Variants in BCR observed in about 807,000 individuals in gnomAD.
The protein encoded by BCR is BCR activator of RhoGEF and GTPase.
BCR carries 58 observed loss-of-function variants against 138.6 expected under a neutral mutation model. The ratio of observed to expected loss-of-function variants is 0.42; its 90% CI spans 0.34 to 0.52. BCR has a LOEUF of 0.52. Among genes scored for constraint, BCR ranks in the 20% least tolerant of loss-of-function variants. The pLI is 0.06. For missense variants in BCR, 1,599 were observed against 1,727.2 expected (o/e 0.93, Z 1.32); for synonymous variants, 786 against 730.1 (o/e 1.08, Z -1.23).
Position 23,180,549 on chromosome 22 carries a change from G to C in BCR, c.-412G>C, listed in dbSNP as rs1474613188. 1.6e-5 allele frequency: 3 copies of C among 186,820 alleles called. No individual in the cohort carries two copies. Among genetic ancestry groups the C allele is most frequent in the African/African-American group, 7.2e-5 (3 of 41,394 alleles). The allele number at this position is 186,820 out of a possible 1,614,324, so 11.6% of individuals were successfully genotyped here. A position where few individuals can be genotyped will look rare whatever the true frequency, so the allele number is the denominator to read the frequency against. On this transcript the variant is annotated 5_prime_UTR_variant, in exon 1 of 23. Transcript: ENST00000305877. ...GGCGGGAGTGCGGCGAGAGCCGGCT[G>C]GCTGAGCTTAGCGTCCGAGGAGGCG...
chr22:23,292,841 T>C (rs2073804011), intron 15 of BCR, among the ~76,000 whole-genome samples: 2 of 152,244 alleles, frequency 1.3e-5, no homozygotes, highest in South Asian at 4.1e-4. Context: ...TACCCATCCC[T>C]GTCATCACAA....
At chr22:23,220,599 C>T (rs1296197960) in intron 1 of BCR, among the ~76,000 whole-genome samples, 3 of 152,172 alleles carry the variant, frequency 2.0e-5, no homozygotes, top group Admixed American at 6.5e-5. Context: ...TCTTCTCCAC[C>T]CACTTGCAAG....
At chr22:23,264,811 C>A (rs1465117047) in intron 4 of BCR, 2 of 153,202 alleles carry the variant, frequency 1.3e-5, no homozygotes, top group African/African-American at 2.4e-5. Flanking sequence ...CTTGACCAAC[C>A]TCTCGGGGCC....
At chr22:23,304,606 T>C (rs1389948028) in intron 16 of BCR, among the ~76,000 whole-genome samples, 1 of 152,140 alleles carries the variant, frequency 6.6e-6, no homozygotes, top group Admixed American at 6.5e-5. Context: ...CTAGTAAGAT[T>C]GCTGGGCTGT....
chr22:23,283,844 T>A, intron 8 of BCR, 133 bp from the exon 9 acceptor site: 1 of 1,213,878 alleles, frequency 8.2e-7, no homozygotes, highest in Non-Finnish European at 1.1e-6. Context: ...GAGGGTCAGA[T>A]GTGGAGGGAG....
chr22:23,246,232 C>G (rs1330695187), intron 1 of BCR, among the ~76,000 whole-genome samples: 2 of 152,012 alleles, frequency 1.3e-5, no homozygotes, highest in Non-Finnish European at 2.9e-5. Context: ...CAAGACCAGC[C>G]TAGGCAACAT....
chr22:23,202,747 GTA>G (rs200927033), intron 1 of BCR, among the ~76,000 whole-genome samples: 9,614 of 145,100 alleles, frequency 0.066, 371 homozygotes, highest in African/African-American at 0.1. Context: ...GTGTGTGTGT[GTA>G]TATATATATA....
At chr22:23,214,539 G>A (rs6003557) in intron 1 of BCR, among the ~76,000 whole-genome samples, 8,389 of 152,216 alleles carry the variant, frequency 0.055, 761 homozygotes, top group African/African-American at 0.19. Context: ...CATTTCCTTC[G>A]GACTGTCTCT....
intron 1 of BCR, among the ~76,000 whole-genome samples, chr22:23,193,842 G>C (rs1017423378): frequency 1.3e-5 from 2 of 152,218 alleles, no homozygotes; most frequent in African/African-American, 4.8e-5. Flanking sequence ...GGTTTTAGGT[G>C]GAGGGCTCAG....
intron 13 of BCR, chr22:23,289,881 A>G: frequency 1.8e-6 from 1 of 550,026 alleles, no homozygotes; most frequent in South Asian, 2.1e-5. Context: ...GCTGCAGCAG[A>G]CGCTCCTCAG....
chr22:23,239,805 C>T (rs2073068404), intron 1 of BCR, among the ~76,000 whole-genome samples: 1 of 151,916 alleles, frequency 6.6e-6, no homozygotes, highest in East Asian at 1.9e-4. Context: ...ATCCAAATTC[C>T]ACCCACCCAC....
intron 1 of BCR, among the ~76,000 whole-genome samples, chr22:23,220,049 CAG>C (rs927145782): frequency 2.0e-5 from 3 of 152,302 alleles, no homozygotes; most frequent in African/African-American, 7.2e-5. Context: ...TGTGGCTGCA[CAG>C]AGGGGAGGGG....
At chr22:23,202,777 A>C (rs147089957) in intron 1 of BCR, among the ~76,000 whole-genome samples, 1 of 139,056 alleles carries the variant, frequency 7.2e-6, no homozygotes, top group Non-Finnish European at 1.5e-5. Context: ...TCTATCATTC[A>C]TTGATGGGCA....
intron 21 of BCR, 56 bp downstream of exon 21, chr22:23,314,129 C>G: frequency 7.4e-7 from 1 of 1,343,654 alleles, no homozygotes; most frequent in South Asian, 1.2e-5. Flanking sequence ...CCGCAGAGTG[C>G]CCCTCTGCTC....
chr22:23,234,138 A>G (rs1419287948), intron 1 of BCR, among the ~76,000 whole-genome samples: 1 of 152,130 alleles, frequency 6.6e-6, no homozygotes, highest in African/African-American at 2.4e-5. Flanking sequence ...GGAGACAGCA[A>G]ACAGAAATTC....
At chr22:23,265,301 C>T (rs925372782) in intron 4 of BCR, among the ~76,000 whole-genome samples, 1 of 152,242 alleles carries the variant, frequency 6.6e-6, no homozygotes, top group Non-Finnish European at 1.5e-5. Context: ...TGAGTACTCA[C>T]GTGTGTTCAA....
chr22:23,315,575 A>G lies in BCR; in HGVS notation c.*53A>G. 6.5e-7 allele frequency: 1 copy of G among 1,546,702 alleles called. No individual in the cohort carries two copies. The highest frequency in any genetic ancestry group is 1.1e-5 in the South Asian group (1 of 89,424). On this transcript the variant is annotated 3_prime_UTR_variant, in exon 23 of 23. Transcript: ENST00000305877. The stretch of plus-strand genomic sequence containing the variant: ...ACAGATGGCCTGGAAACCTCTGGCT[A>G]ATCGGGCCATCCGTAGAGCGGGAAC...
intron 1 of BCR, among the ~76,000 whole-genome samples, chr22:23,192,268 A>G (rs1324808953): frequency 6.6e-6 from 1 of 152,202 alleles, no homozygotes; most frequent in Non-Finnish European, 1.5e-5. Context: ...TAACCTGCCC[A>G]AGGTCAAGTG....
intron 8 of BCR, among the ~76,000 whole-genome samples, chr22:23,274,246 C>T (rs12166802): frequency 0.071 from 10,773 of 152,250 alleles, 557 homozygotes; most frequent in African/African-American, 0.14. Flanking sequence ...GTGTCTGTGA[C>T]GTGAGACTGG....
Sources: gnomAD v4.1 joint callset for allele counts (sites outside exome capture counted in the v4.1 genomes callset) on GRCh38, gnomAD v4.1.1 for gene constraint, MANE v1.5 for transcripts, NCBI Gene and HGNC (gene_info 2026-07-23, HGNC 2026-07-21) for gene names.